The following RANBP2 variants were observed in gnomAD, a reference collection of about 807,000 sequenced individuals.
RANBP2 encodes the protein E3 SUMO-protein ligase RanBP2.
Under a neutral mutation model 303.6 loss-of-function variants are expected in RANBP2, and 57 were observed. That is an observed-to-expected ratio of 0.19 (90% CI 0.15 to 0.23). The LOEUF is 0.23. Among genes scored for constraint, RANBP2 ranks in the 10% least tolerant of loss-of-function variants. The pLI is 1.00. For synonymous variants in RANBP2, 1,167 were observed against 1,301.5 expected (o/e 0.90, Z 2.23); for missense variants, 3,138 against 3,780.8 (o/e 0.83, Z 4.46).
At chr2:108,966,900 C>A in the RANBP2 span, among the ~76,000 whole-genome samples, 4 of 152,334 alleles carry the variant, frequency 2.6e-5, 1 homozygote, top group South Asian at 8.3e-4. Flanking sequence ...ACCCTCTTTA[C>A]TGGGGTTTGT....
the RANBP2 span, among the ~76,000 whole-genome samples, chr2:109,602,792 T>C: frequency 6.6e-6 from 1 of 151,714 alleles, no homozygotes; most frequent in African/African-American, 2.4e-5. Context: ...AGTCATTTAT[T>C]TAGCCCAGGA....
At chr2:109,638,426 C>G in the RANBP2 span, among the ~76,000 whole-genome samples, 1 of 152,158 alleles carries the variant, frequency 6.6e-6, no homozygotes, top group Non-Finnish European at 1.5e-5. Flanking sequence ...AAATTCCCCA[C>G]CAGGTGTGCA....
chr2:108,811,434 T>A, the RANBP2 span, among the ~76,000 whole-genome samples: 8 of 151,794 alleles, frequency 5.3e-5, 1 homozygote, highest in South Asian at 1.7e-3. Flanking sequence ...GTTGTAGAGA[T>A]GAGGTCTTAT....
chr2:108,771,935 G>A, intron 21 of RANBP2, 64 bp downstream of exon 21: 1 of 1,599,474 alleles, frequency 6.3e-7, no homozygotes, highest in Non-Finnish European at 8.6e-7. Flanking sequence ...TGGGAGTATG[G>A]TTTAATTATT....
At chr2:109,455,845 G>A in the RANBP2 span, among the ~76,000 whole-genome samples, 4 of 152,304 alleles carry the variant, frequency 2.6e-5, no homozygotes, top group East Asian at 7.7e-4. Context: ...CACTCTGCTG[G>A]CACAGGCTGG....
the RANBP2 span, among the ~76,000 whole-genome samples, chr2:109,311,849 T>C: frequency 7.4e-6 from 1 of 134,634 alleles, no homozygotes; most frequent in African/African-American, 3.4e-5. Context: ...TTTATTGTTA[T>C]TTTTTTAATT....
chr2:109,275,418 T>C, the RANBP2 span, among the ~76,000 whole-genome samples: 1 of 152,188 alleles, frequency 6.6e-6, no homozygotes, highest in African/African-American at 2.4e-5. Flanking sequence ...TCCGTGACCC[T>C]CCATTCAGTT....
At chr2:108,854,899 C>T in the RANBP2 span, among the ~76,000 whole-genome samples, 1 of 152,074 alleles carries the variant, frequency 6.6e-6, no homozygotes, top group Non-Finnish European at 1.5e-5. Flanking sequence ...GCAGTTTCTG[C>T]AAAAGACTTT....
At chr2:109,257,955 C>T in the RANBP2 span, among the ~76,000 whole-genome samples, 6 of 152,044 alleles carry the variant, frequency 3.9e-5, no homozygotes, top group East Asian at 9.7e-4. Flanking sequence ...TTGTGTTCAC[C>T]ATTCTAGCAT....
At chr2:109,212,398 T>A in the RANBP2 span, among the ~76,000 whole-genome samples, 2 of 152,216 alleles carry the variant, frequency 1.3e-5, no homozygotes, top group African/African-American at 4.8e-5. Context: ...AATCCCAACT[T>A]GGACAGTATT....
chr2:109,078,267 C>T, the RANBP2 span, among the ~76,000 whole-genome samples: 37 of 17,550 alleles, frequency 2.1e-3, 3 homozygotes, highest in African/African-American at 9.9e-3. Context: ...ATATATAGCG[C>T]GTATATATAT....
chr2:109,668,423 G>A, the RANBP2 span, among the ~76,000 whole-genome samples: 560 of 152,262 alleles, frequency 3.7e-3, 4 homozygotes, highest in African/African-American at 0.013. Context: ...ATATACTTGG[G>A]AAGCTGAAAA....
chr2:109,581,524 C>CT, the RANBP2 span, among the ~76,000 whole-genome samples: 1 of 148,466 alleles, frequency 6.7e-6, no homozygotes, highest in African/African-American at 2.5e-5. Context: ...AAAGAAAGGT[C>CT]TGGGAAAAAA....
chr2:109,037,607 G>A, the RANBP2 span, among the ~76,000 whole-genome samples: 5 of 152,146 alleles, frequency 3.3e-5, no homozygotes, highest in African/African-American at 7.2e-5. Context: ...AGTCGGCAAG[G>A]TAGCAGGGTA....
the RANBP2 span, among the ~76,000 whole-genome samples, chr2:109,005,908 T>C: frequency 6.6e-6 from 1 of 152,180 alleles, no homozygotes; most frequent in Non-Finnish European, 1.5e-5. Flanking sequence ...ACCGCCTTTA[T>C]CCAATTCCCA....
chr2:109,683,606 G>A, the RANBP2 span, among the ~76,000 whole-genome samples: 5 of 152,076 alleles, frequency 3.3e-5, no homozygotes, highest in African/African-American at 1.2e-4. Flanking sequence ...TCTGGTCAGT[G>A]ACCATGCGCC....
the RANBP2 span, among the ~76,000 whole-genome samples, chr2:109,546,900 T>G: frequency 9.3e-3 from 1,415 of 152,312 alleles, 99 homozygotes; most frequent in Admixed American, 0.083. Flanking sequence ...AATAAATTAA[T>G]GCTAAATACA....
chr2:109,547,639 C>T, the RANBP2 span, among the ~76,000 whole-genome samples: 1 of 151,992 alleles, frequency 6.6e-6, no homozygotes, highest in Non-Finnish European at 1.5e-5. Context: ...TTTTGTTCCA[C>T]AATTTAAGGA....
the RANBP2 span, among the ~76,000 whole-genome samples, chr2:109,637,990 C>T: frequency 5.3e-5 from 8 of 152,244 alleles, no homozygotes; most frequent in East Asian, 1.2e-3. Flanking sequence ...AATAGTGTTG[C>T]GACGATGCTA....
Sources: allele counts gnomAD v4.1 joint callset (sites outside exome capture counted in the v4.1 genomes callset), GRCh38; gene constraint gnomAD v4.1.1; transcripts MANE v1.5; gene names NCBI Gene and HGNC (gene_info 2026-07-23, HGNC 2026-07-21).